Variants in TDRD12 observed in about 807,000 individuals in gnomAD.
The protein encoded by TDRD12 is putative ATP-dependent RNA helicase TDRD12.
Under a neutral mutation model 133.5 loss-of-function variants are expected in TDRD12, and 158 were observed. The observed-to-expected ratio is 1.18, with a 90% confidence interval of 1.04 to 1.35. The LOEUF (loss-of-function observed/expected upper bound fraction) is 1.35. TDRD12 is among the 40% of genes most tolerant of loss of function. TDRD12 has a pLI of 0.00. For missense variants in TDRD12, 1,443 were observed against 1,321.3 expected, an observed-to-expected ratio of 1.09 and a Z score of -1.43; for synonymous variants, 460 against 477.9, an observed-to-expected ratio of 0.96 and a Z score of 0.49.
At chr19:32,745,954 G>C (rs1315693471) in intron 4 of TDRD12, among the ~76,000 whole-genome samples, 3 of 149,838 alleles carry the variant, frequency 2.0e-5, no homozygotes, top group Non-Finnish European at 4.4e-5. Flanking sequence ...GTGTGTGAGA[G>C]AGAGAGAGAC....
intron 1 of TDRD12, among the ~76,000 whole-genome samples, chr19:32,722,710 C>G (rs892874849): frequency 6.8e-6 from 1 of 146,696 alleles, no homozygotes; most frequent in Non-Finnish European, 1.5e-5. Context: ...GACGGCGTCT[C>G]GCTCTGTTGC....
intron 1 of TDRD12, among the ~76,000 whole-genome samples, chr19:32,723,715 G>A (rs1353058922): frequency 6.6e-6 from 1 of 150,608 alleles, no homozygotes; most frequent in Non-Finnish European, 1.5e-5. Flanking sequence ...TTTATAGATG[G>A]GTTCAGAGAA....
At chr19:32,796,953 G>A (rs1971245407) in intron 14 of TDRD12, among the ~76,000 whole-genome samples, 1 of 151,462 alleles carries the variant, frequency 6.6e-6, no homozygotes, top group Admixed American at 6.6e-5. Flanking sequence ...GGGTTCAGAA[G>A]ATAGTGTCCT....
intron 6 of TDRD12, among the ~76,000 whole-genome samples, chr19:32,750,794 C>T (rs1969800947): frequency 6.6e-6 from 1 of 152,144 alleles, no homozygotes; most frequent in Non-Finnish European, 1.5e-5. Context: ...GTAGAATGTT[C>T]CTCAATTTGG....
At chr19:32,755,933 C>T in intron 6 of TDRD12, 59 bp from the exon 7 acceptor site, 1 of 1,253,080 alleles carries the variant, frequency 8.0e-7, no homozygotes, top group Non-Finnish European at 1.1e-6. Context: ...GGAATATTTC[C>T]TTTAAAATCG....
At chr19:32,757,151 T>G (rs1568461900) in intron 8 of TDRD12, 21 bp downstream of exon 8, 1 of 1,527,058 alleles carries the variant, frequency 6.5e-7, no homozygotes, top group Non-Finnish European at 8.9e-7. Context: ...CTAATGTGGT[T>G]TATTTCATAG....
intron 8 of TDRD12, among the ~76,000 whole-genome samples, chr19:32,760,402 G>GT (rs1436759393): frequency 6.6e-6 from 1 of 152,064 alleles, no homozygotes; most frequent in Non-Finnish European, 1.5e-5. Flanking sequence ...AGTTTTTGGT[G>GT]TTTCTCTTTG....
intron 8 of TDRD12, among the ~76,000 whole-genome samples, chr19:32,763,603 A>G (rs2145571312): frequency 6.6e-6 from 1 of 152,146 alleles, no homozygotes; most frequent in East Asian, 1.9e-4. Context: ...ATTTCCAAGT[A>G]GTTACTTTTC....
intron 1 of TDRD12, among the ~76,000 whole-genome samples, chr19:32,729,660 A>G (rs1968978988): frequency 6.7e-6 from 1 of 148,892 alleles, no homozygotes; most frequent in African/African-American, 2.5e-5. Context: ...TTTTCAACTC[A>G]CTCTAACCAT....
intron 24 of TDRD12, among the ~76,000 whole-genome samples, chr19:32,811,956 A>C (rs1305178996): frequency 2.6e-5 from 4 of 152,250 alleles, no homozygotes; most frequent in African/African-American, 9.6e-5. Flanking sequence ...CGGTCCCAGG[A>C]GAGGCCAGGT....
chr19:32,815,657 T>A, intron 26 of TDRD12, 37 bp downstream of exon 26: 2 of 1,503,872 alleles, frequency 1.3e-6, no homozygotes, highest in Non-Finnish European at 1.8e-6. Context: ...GAAGAGTTGT[T>A]TTTTGGAAAT....
intron 25 of TDRD12, among the ~76,000 whole-genome samples, 156 bp downstream of exon 25, chr19:32,813,932 T>C (rs1185140341): frequency 1.3e-5 from 2 of 152,158 alleles, no homozygotes; most frequent in Admixed American, 6.5e-5. Context: ...TATTGGGTCA[T>C]GAATTGGGTT....
intron 13 of TDRD12, among the ~76,000 whole-genome samples, chr19:32,794,078 G>A (rs1428809574): frequency 1.5e-5 from 2 of 133,116 alleles, no homozygotes; most frequent in Non-Finnish European, 3.1e-5. Flanking sequence ...ACAGACATGA[G>A]CCACTGTGCC....
intron 8 of TDRD12, among the ~76,000 whole-genome samples, chr19:32,757,645 A>G (rs562732235): frequency 6.6e-6 from 1 of 152,286 alleles, no homozygotes; most frequent in South Asian, 2.1e-4. Context: ...GTGTCCAGGA[A>G]GGCCTCACTT....
At chr19:32,723,677 A>C (rs1968765950) in intron 1 of TDRD12, among the ~76,000 whole-genome samples, 2 of 152,006 alleles carry the variant, frequency 1.3e-5, no homozygotes, top group South Asian at 4.1e-4. Context: ...CAAAAAAAAA[A>C]AAAAAACCAT....
At chr19:32,780,065 C>T (rs2145626512) in intron 11 of TDRD12, among the ~76,000 whole-genome samples, 1 of 150,434 alleles carries the variant, frequency 6.6e-6, no homozygotes, top group Non-Finnish European at 1.5e-5. Flanking sequence ...TCCGAATATG[C>T]CCATTCTTTT....
At chr19:32,757,190 T>A in intron 8 of TDRD12, 60 bp downstream of exon 8, 4 of 1,361,568 alleles carry the variant, frequency 2.9e-6, no homozygotes, top group Non-Finnish European at 4.1e-6. Context: ...TCTTAGCTTT[T>A]TAAAGATTAG....
chr19:32,720,239 C>T, intron 1 of TDRD12, 143 bp downstream of exon 1: 2 of 761,774 alleles, frequency 2.6e-6, no homozygotes, highest in Non-Finnish European at 4.2e-6. Context: ...CACCCCCGAC[C>T]CCAACCCTAC....
chr19:32,774,702 C>G (rs1386331388), intron 10 of TDRD12, among the ~76,000 whole-genome samples: 2 of 152,068 alleles, frequency 1.3e-5, no homozygotes, highest in African/African-American at 4.8e-5. Context: ...ATATACTGGC[C>G]AGGCATGGTG....
Sources: gnomAD v4.1 joint callset for allele counts (sites outside exome capture counted in the v4.1 genomes callset) on GRCh38, gnomAD v4.1.1 for gene constraint, MANE v1.5 for transcripts, NCBI Gene and HGNC (gene_info 2026-07-23, HGNC 2026-07-21) for gene names.